Variants in TBC1D19 observed in about 807,000 individuals in gnomAD.
TBC1D19 encodes the protein TBC1 domain family, member 19.
TBC1D19 carries 60 observed loss-of-function variants against 89.0 expected under a neutral mutation model. That is an observed-to-expected ratio of 0.67 (90% CI 0.55 to 0.84). The LOEUF is 0.84. Ranked by LOEUF, TBC1D19 falls within the 40% of genes least tolerant of loss-of-function variation. The pLI, the probability that TBC1D19 is intolerant of heterozygous loss-of-function variation, is 0.00. For missense variants in TBC1D19, 500 were observed against 610.8 expected, an observed-to-expected ratio of 0.82 and a Z score of 1.91; for synonymous variants, 189 against 199.7, an observed-to-expected ratio of 0.95 and a Z score of 0.45.
rs1170955624 is a variant in TBC1D19 at position 26,646,122 on chromosome 4, CAA to C, written c.480+5956_480+5957del. On this transcript the variant is annotated intron_variant, in intron 7 of 20. Transcript: ENST00000264866. ...TGGGCGACAGAGCGAGACTCCGTCT[CAA>C]AAAAAAAAAAAAAAAAAAAAGTGGG... Among the ~76,000 whole-genome samples, 28 of 42,212 alleles carry C rather than the reference CAA, an allele frequency of 6.6e-4. No individual in the cohort carries two copies. In the South Asian group the frequency reaches 0.011, roughly 17 times the overall value. 27.7% of individuals were successfully genotyped at this position (42,212 alleles called of 152,430 possible). A position where few individuals can be genotyped will look rare whatever the true frequency, so the allele number is the denominator to read the frequency against.
At chr4:26,741,033 A>T in intron 17 of TBC1D19, 1 of 852,234 alleles carries the variant, frequency 1.2e-6, no homozygotes, top group Non-Finnish European at 1.4e-6. Context: ...ATCTGGAATA[A>T]TCAGAAATAT....
chr4:26,707,898 CA>C (rs1008311429), intron 13 of TBC1D19, among the ~76,000 whole-genome samples: 1 of 152,038 alleles, frequency 6.6e-6, no homozygotes, highest in Non-Finnish European at 1.5e-5. Flanking sequence ...AGTGCGTACA[CA>C]AACCCAGAAA....
the TBC1D19 span, among the ~76,000 whole-genome samples, chr4:26,803,771 G>A: frequency 0.35 from 53,866 of 151,988 alleles, 10,546 homozygotes; most frequent in East Asian, 0.52. Context: ...TGGCAAGCTG[G>A]TGGGGTTTCT....
rs116475964 is a variant in TBC1D19, at chr4:26,705,338, G to A, written c.955-12595G>A. Among the ~76,000 whole-genome samples the A allele has an allele frequency of 5.7e-3, 869 of 152,220 alleles. 7 individuals carry two copies. Among genetic ancestry groups the A allele is most frequent in the African/African-American group, 0.02 (831 of 41,542 alleles). On this transcript the variant is annotated intron_variant, in intron 13 of 20. Transcript: ENST00000264866. ...TGTTATCATCTGTGCCTTTGGTATT[G>A]TATCCAAGAGATCACCAAATCCAAT...
intron 13 of TBC1D19, among the ~76,000 whole-genome samples, chr4:26,706,940 A>T (rs887382114): frequency 3.3e-5 from 5 of 151,748 alleles, no homozygotes; most frequent in African/African-American, 7.3e-5. Flanking sequence ...TTAATTAGTG[A>T]CCTAATATAT....
the TBC1D19 span, among the ~76,000 whole-genome samples, chr4:26,812,323 G>C: frequency 6.6e-6 from 1 of 152,240 alleles, no homozygotes; most frequent in East Asian, 1.9e-4. This position sits in a 1 kb window ranked among gnomAD's most constrained non-coding sequence, Gnocchi z 4.2. Context: ...AGTGGGTGAG[G>C]CTTCCTGTTA....
intron 1 of TBC1D19, among the ~76,000 whole-genome samples, chr4:26,577,589 G>A (rs1231325953): frequency 6.6e-6 from 1 of 152,200 alleles, no homozygotes; most frequent in Non-Finnish European, 1.5e-5. Context: ...AGAAGCAGAT[G>A]CTAAAATAAG....
At chr4:26,629,659 G>T (rs897584934) in intron 4 of TBC1D19, among the ~76,000 whole-genome samples, 1 of 151,830 alleles carries the variant, frequency 6.6e-6, no homozygotes, top group African/African-American at 2.4e-5. Context: ...AAATTTAAAA[G>T]AATCTAAATG....
intron 3 of TBC1D19, among the ~76,000 whole-genome samples, chr4:26,620,086 A>G (rs1741942990): frequency 6.6e-6 from 1 of 152,198 alleles, no homozygotes; most frequent in Non-Finnish European, 1.5e-5. Context: ...CACTTCAGTC[A>G]TTATGTTCCA....
intron 13 of TBC1D19, among the ~76,000 whole-genome samples, chr4:26,707,157 C>T (rs1256019022): frequency 2.6e-5 from 4 of 151,956 alleles, no homozygotes; most frequent in Admixed American, 2.6e-4. Flanking sequence ...CACTGTTACA[C>T]TAGAATTGTC....
chr4:26,712,236 GC>G (rs1406257384), intron 13 of TBC1D19, among the ~76,000 whole-genome samples: 7 of 152,018 alleles, frequency 4.6e-5, no homozygotes, highest in African/African-American at 1.7e-4. Context: ...TATTATTGCT[GC>G]CATAAATTTA....
chr4:26,628,519 CAGG>C (rs1212353029), intron 4 of TBC1D19, among the ~76,000 whole-genome samples: 1 of 151,986 alleles, frequency 6.6e-6, no homozygotes, highest in African/African-American at 2.4e-5. Context: ...GGCAATTAGG[CAGG>C]AGAAGGAAAT....
At chr4:26,766,030 TGGTGGGGA>T in the TBC1D19 span, among the ~76,000 whole-genome samples, 1 of 152,046 alleles carries the variant, frequency 6.6e-6, no homozygotes, top group African/African-American at 2.4e-5. Context: ...GACTGACCCA[TGGTGGGGA>T]GGTGGGGAGA....
the TBC1D19 span, among the ~76,000 whole-genome samples, chr4:26,780,321 ACTGGT>A: frequency 6.6e-6 from 1 of 152,190 alleles, no homozygotes; most frequent in South Asian, 2.1e-4. Context: ...GCCAGATAAA[ACTGGT>A]CGTCAGAACA....
At chr4:26,600,518 T>G (rs1740517865) in intron 1 of TBC1D19, among the ~76,000 whole-genome samples, 1 of 152,214 alleles carries the variant, frequency 6.6e-6, no homozygotes, top group Non-Finnish European at 1.5e-5. Flanking sequence ...GAAGGTCATG[T>G]AGGGTTGAAT....
At chr4:26,632,808 A>G (rs932059795) in intron 4 of TBC1D19, among the ~76,000 whole-genome samples, 6 of 152,176 alleles carry the variant, frequency 3.9e-5, no homozygotes, top group Non-Finnish European at 8.8e-5. Context: ...GCAGTCTTGA[A>G]TAATCAGAAC....
At chr4:26,642,705 C>A (rs757378951) in intron 7 of TBC1D19, among the ~76,000 whole-genome samples, 25 of 152,092 alleles carry the variant, frequency 1.6e-4, no homozygotes, top group Non-Finnish European at 3.1e-4. Flanking sequence ...CAGAGACAAA[C>A]ATAGGCTCAA....
chr4:26,735,555 T>C, intron 16 of TBC1D19, 68 bp downstream of exon 16: 1 of 1,332,112 alleles, frequency 7.5e-7, no homozygotes. Flanking sequence ...ATTTAAAAAA[T>C]AATGACTGAC....
chr4:26,816,871 G>C, the TBC1D19 span, among the ~76,000 whole-genome samples: 1 of 152,166 alleles, frequency 6.6e-6, no homozygotes, highest in African/African-American at 2.4e-5. Flanking sequence ...TAGTATAAAA[G>C]TGGTGCCTGC....
Sources: gnomAD v4.1 joint callset for allele counts (sites outside exome capture counted in the v4.1 genomes callset) on GRCh38, gnomAD v4.1.1 for gene constraint, Gnocchi (gnomAD v3.1) non-coding constraint, MANE v1.5 for transcripts, NCBI Gene and HGNC (gene_info 2026-07-23, HGNC 2026-07-21) for gene names.